NMT2: variants seen among roughly 807,000 people sequenced by gnomAD.
NMT2 encodes glycylpeptide N-tetradecanoyltransferase 2.
NMT2 carries 35 observed loss-of-function variants against 65.4 expected under a neutral mutation model. The observed-to-expected ratio is 0.54, with a 90% CI of 0.41 to 0.71. NMT2 has a LOEUF of 0.71. Among genes scored for constraint, NMT2 ranks in the 30% least tolerant of loss-of-function variants. The probability of loss-of-function intolerance (pLI) is 0.00; values close to 1 mark genes in which losing one functional copy is unlikely to be tolerated. For synonymous variants in NMT2, 226 were observed against 231.8 expected (o/e 0.98, Z 0.23); for missense variants, 489 against 611.3 (o/e 0.80, Z 2.11).
At chr10:15,120,246 T>C (rs1484627603) in intron 8 of NMT2, among the ~76,000 whole-genome samples, 2 of 152,230 alleles carry the variant, frequency 1.3e-5, no homozygotes, top group East Asian at 3.9e-4. Context: ...TCATTTGAGG[T>C]CAGAAGTTCG....
intron 10 of NMT2, among the ~76,000 whole-genome samples, chr10:15,110,196 C>T (rs1378421953): frequency 6.6e-6 from 1 of 151,712 alleles, no homozygotes; most frequent in African/African-American, 2.4e-5. Context: ...CTGCTTGAGC[C>T]TGGGAGGTAG....
intron 8 of NMT2, among the ~76,000 whole-genome samples, chr10:15,122,326 T>C (rs1292751322): frequency 2.0e-5 from 3 of 152,206 alleles, no homozygotes; most frequent in Non-Finnish European, 2.9e-5. Flanking sequence ...TTCTCATTCA[T>C]TGAATATCCA....
chr10:15,127,941 A>G (rs930345208), intron 8 of NMT2, among the ~76,000 whole-genome samples: 1 of 152,196 alleles, frequency 6.6e-6, no homozygotes, highest in Non-Finnish European at 1.5e-5. Context: ...AGAACGAGAT[A>G]GTTTAAGAAG....
chr10:15,150,506 A>G (rs1396607178), intron 1 of NMT2, among the ~76,000 whole-genome samples: 1 of 152,206 alleles, frequency 6.6e-6, no homozygotes, highest in African/African-American at 2.4e-5. Flanking sequence ...TTTCAGCTCC[A>G]TCATGGGTCT....
chr10:15,141,354 G>T, intron 2 of NMT2, 68 bp downstream of exon 2: 1 of 1,582,664 alleles, frequency 6.3e-7, no homozygotes, highest in Non-Finnish European at 8.6e-7. Flanking sequence ...GCAGCAGCGC[G>T]CTAAACTGCG....
At chr10:15,151,145 G>A (rs1480839645) in intron 1 of NMT2, among the ~76,000 whole-genome samples, 2 of 147,964 alleles carry the variant, frequency 1.4e-5, no homozygotes, top group East Asian at 2.0e-4. Flanking sequence ...TGCAATCTCC[G>A]CCTCCTGGGT....
chr10:15,110,457 G>A (rs1198826228), intron 10 of NMT2, among the ~76,000 whole-genome samples: 1 of 151,974 alleles, frequency 6.6e-6, no homozygotes, highest in African/African-American at 2.4e-5. Context: ...GTAGGTGTAG[G>A]TACAGGACAT....
chr10:15,120,019 G>A (rs564505302), intron 8 of NMT2, among the ~76,000 whole-genome samples: 26 of 152,116 alleles, frequency 1.7e-4, no homozygotes, highest in Middle Eastern at 3.4e-3. Flanking sequence ...AAAAATATTC[G>A]GGGAAAAAAA....
intron 3 of NMT2, among the ~76,000 whole-genome samples, chr10:15,134,469 T>C (rs1846401773): frequency 6.6e-6 from 1 of 152,164 alleles, no homozygotes; most frequent in Admixed American, 6.5e-5. Context: ...CACACGTCAC[T>C]TTCTCCCAGC....
chr10:15,111,509 C>CAAAAAAAAAAAAAAAAAAAAAAATA (rs58537120), intron 10 of NMT2, among the ~76,000 whole-genome samples: 1 of 52,800 alleles, frequency 1.9e-5, no homozygotes, highest in Non-Finnish European at 4.0e-5. Context: ...AGACTCATCT[C>CAAAAAAAAAAAAAAAAAAAAAAATA]AAAAAAAAAA....
intron 1 of NMT2, among the ~76,000 whole-genome samples, chr10:15,156,791 G>A (rs1402599642): frequency 6.6e-6 from 1 of 152,068 alleles, no homozygotes; most frequent in Non-Finnish European, 1.5e-5. Context: ...AGCTACTCAG[G>A]AGGCTGAGGC....
At chr10:15,130,045 T>C (rs1264882044) in intron 7 of NMT2, 97 bp downstream of exon 7, 4 of 926,972 alleles carry the variant, frequency 4.3e-6, no homozygotes, top group Non-Finnish European at 6.0e-6. Flanking sequence ...CTAGTCTCCA[T>C]CTCTGCTACC....
At chr10:15,150,257 CA>C (rs1832756563) in intron 1 of NMT2, among the ~76,000 whole-genome samples, 1 of 152,188 alleles carries the variant, frequency 6.6e-6, no homozygotes, top group African/African-American at 2.4e-5. Context: ...CATCCTGGAT[CA>C]GGGGCACCCA....
chr10:15,115,507 A>G (rs2131485263), intron 9 of NMT2, among the ~76,000 whole-genome samples: 1 of 152,336 alleles, frequency 6.6e-6, no homozygotes, highest in East Asian at 1.9e-4. Flanking sequence ...CAAGTAATCC[A>G]CAGCAAGGCA....
chr10:15,133,132 A>C lies in NMT2; in HGVS notation c.523T>G (p.Tyr175Asp). 1 of 1,613,608 alleles carries C rather than the reference A, an allele frequency of 6.2e-7. No individual in the cohort carries two copies. Among genetic ancestry groups the C allele is most frequent in the Non-Finnish European group, 8.5e-7 (1 of 1,179,468 alleles). ...LSDAEVLKEL[Y>D]TLLNENYVED... ...ACGTAATTCTCATTTAACAACGTGT[A>C]TAACTCCTTGAGCTATAAGATAAAA... The change falls in exon 5 of 12, where the codon TAC becomes GAC. Residue 175 changes from tyrosine to aspartate, a missense_variant. Physicochemically the swap from Tyr to Asp is radical, Grantham distance 160 (BLOSUM62 -3). Transcript: ENST00000378165.
At chr10:15,162,928 GAT>G (rs1014414869) in intron 1 of NMT2, among the ~76,000 whole-genome samples, 3 of 149,440 alleles carry the variant, frequency 2.0e-5, no homozygotes, top group East Asian at 1.9e-4. Flanking sequence ...ATAAGAGAGA[GAT>G]ATATATATAT....
intron 6 of NMT2, among the ~76,000 whole-genome samples, 189 bp downstream of exon 6, chr10:15,132,628 A>T (rs759591382): frequency 6.6e-6 from 1 of 152,102 alleles, no homozygotes; most frequent in East Asian, 1.9e-4. Flanking sequence ...GGTTTCACCC[A>T]TGTTGACCAG....
intron 10 of NMT2, 41 bp downstream of exon 10, chr10:15,112,755 T>C (rs1056722434): frequency 4.5e-6 from 7 of 1,567,408 alleles, no homozygotes; most frequent in Non-Finnish European, 6.1e-6. Flanking sequence ...GGCACAGACA[T>C]TTGGAGAACC....
intron 9 of NMT2, among the ~76,000 whole-genome samples, chr10:15,117,446 T>C (rs1451855882): frequency 1.3e-5 from 2 of 152,190 alleles, no homozygotes; most frequent in African/African-American, 4.8e-5. Flanking sequence ...TCATACTTCA[T>C]GGTGAAAGAG....
Sources: allele counts gnomAD v4.1 joint callset (sites outside exome capture counted in the v4.1 genomes callset), GRCh38; gene constraint gnomAD v4.1.1; transcripts MANE v1.5; gene names NCBI Gene and HGNC (gene_info 2026-07-23, HGNC 2026-07-21).